Variants in PLEK2 observed in about 807,000 individuals in gnomAD.
PLEK2 encodes pleckstrin 2.
PLEK2 carries 29 observed loss-of-function variants against 43.8 expected under a neutral mutation model. The observed-to-expected ratio is 0.66, with a 90% confidence interval of 0.49 to 0.90. PLEK2 has a LOEUF of 0.90. PLEK2 is among the 40% of genes least tolerant of loss of function. The pLI is 0.00. For missense variants in PLEK2, 398 were observed against 448.1 expected, an observed-to-expected ratio of 0.89 and a Z score of 1.01; for synonymous variants, 162 against 173.2, an observed-to-expected ratio of 0.94 and a Z score of 0.51.
rs71129821 is a variant in PLEK2, at chr14:67,408,358, A to AT, written c.42+3659_42+3660insA. Among the ~76,000 whole-genome samples the AT allele has an allele frequency of 3.4e-3, 518 of 150,164 alleles. 4 individuals are homozygous for AT. Among genetic ancestry groups the AT allele is most frequent in the African/African-American group, 0.012 (484 of 40,712 alleles). ...ATAAAATAAAATAAAATAAAATAAA[A>AT]AAAGAAAAAACAAAGATGGGATGAT... On this transcript the variant is annotated intron_variant, in intron 1 of 8. Coordinates refer to ENST00000216446, the MANE Select transcript of PLEK2 (RefSeq NM_016445.3).
At position 67,392,665 on chromosome 14, in the gene PLEK2, A is replaced by T. The variant is rs998918323; in HGVS notation, c.666T>A (p.Thr222=). 1 of 1,608,744 alleles carries T rather than the reference A, an allele frequency of 6.2e-7. No individual in the cohort carries two copies. Among genetic ancestry groups the T allele is most frequent in the Non-Finnish European group, 8.5e-7 (1 of 1,176,612 alleles). ...QFLDDSTALY[T]FAESYKKKIS... is the part of the protein sequence containing the mutation. ...AAGAACCCACTCCCCAACTTACAAA[A>T]GTGTACAGGGCTGTGGAGTCATCCA... Residue 222 remains threonine (T), a synonymous_variant, in exon 5 of 9, where the codon ACT becomes ACA. Coordinates refer to ENST00000216446, the MANE Select transcript of PLEK2 (RefSeq NM_016445.3).
chr14:67,407,098 G>A (rs1431780129), intron 1 of PLEK2, among the ~76,000 whole-genome samples: 1 of 152,002 alleles, frequency 6.6e-6, no homozygotes, highest in Non-Finnish European at 1.5e-5. Context: ...GAGACCCCAG[G>A]AAAAAGCCTC....
intron 1 of PLEK2, among the ~76,000 whole-genome samples, chr14:67,402,570 G>A (rs575370276): frequency 1.3e-4 from 19 of 151,942 alleles, no homozygotes; most frequent in East Asian, 1.9e-4. Context: ...CCATCTCCCC[G>A]GCAGCCCCTC....
chr14:67,388,119 A>G, intron 8 of PLEK2, 105 bp downstream of exon 8: 1 of 705,706 alleles, frequency 1.4e-6, no homozygotes, highest in African/African-American at 1.8e-5. Context: ...TCATGGAGAA[A>G]GCCCTGCTCG....
intron 1 of PLEK2, among the ~76,000 whole-genome samples, chr14:67,408,945 G>A (rs1305055242): frequency 1.3e-5 from 2 of 151,778 alleles, no homozygotes; most frequent in African/African-American, 2.4e-5. Context: ...ATCCTTTATT[G>A]GCCAGGCGCC....
Position 67,390,648 on chromosome 14 carries a change from A to G in PLEK2, c.855+15T>C. 6.3e-7 allele frequency: 1 copy of G among 1,578,502 alleles called. No individual in the cohort carries two copies. Among genetic ancestry groups the G allele is most frequent in the Non-Finnish European group, 8.7e-7 (1 of 1,147,508 alleles). ...CACAACATGGGACCAACATGGAGCC[A>G]GCATGCGCACTCACTTTGGAAGGGT... On this transcript the variant is annotated intron_variant, in intron 7 of 8. Transcript: ENST00000216446.
intron 8 of PLEK2, 134 bp downstream of exon 8, chr14:67,388,090 A>T (rs372567784): frequency 4.9e-6 from 3 of 607,396 alleles, no homozygotes; most frequent in East Asian, 5.5e-5. Context: ...ATTCACTTCA[A>T]AACTCACACC....
intron 1 of PLEK2, among the ~76,000 whole-genome samples, chr14:67,410,924 T>C (rs559395286): frequency 1.6e-4 from 24 of 152,274 alleles, no homozygotes; most frequent in African/African-American, 5.3e-4. Context: ...GGTGGGCAGA[T>C]GACTTAAACC....
intron 3 of PLEK2, among the ~76,000 whole-genome samples, chr14:67,393,826 T>A (rs990492338): frequency 9.9e-5 from 15 of 152,120 alleles, no homozygotes; most frequent in Non-Finnish European, 1.8e-4. Flanking sequence ...AAGATGTTTA[T>A]CTAACCTCCC....
intron 2 of PLEK2, among the ~76,000 whole-genome samples, chr14:67,396,745 A>G (rs1277773634): frequency 6.6e-6 from 1 of 152,190 alleles, no homozygotes; most frequent in East Asian, 1.9e-4. Flanking sequence ...TTTCCTCTTC[A>G]GGGATAAAGG....
intron 1 of PLEK2, among the ~76,000 whole-genome samples, chr14:67,401,615 A>G (rs2086049505): frequency 6.6e-6 from 1 of 152,172 alleles, no homozygotes; most frequent in Admixed American, 6.6e-5. Flanking sequence ...GCCATCTGCA[A>G]GCCAAGGAGA....
chr14:67,390,601 G>A lies in PLEK2; in HGVS notation c.855+62C>T, dbSNP rs544680814. ...ATCCAGCCAGCTGCCCGCCATGCCA[G>A]GAGAGGAGTGTCTGGGGGCATCACA... is the stretch of plus-strand genomic sequence containing the variant. On this transcript the variant is annotated intron_variant, in intron 7 of 8. Transcript: ENST00000216446. 310 of 1,160,050 alleles carry A rather than the reference G, an allele frequency of 2.7e-4. 3 individuals carry two copies. The South Asian group carries it at 3.6e-3, about 13-fold the overall frequency. 71.9% of individuals were successfully genotyped at this position (1,160,050 alleles called of 1,614,324 possible).
chr14:67,410,587 T>C (rs1423384455), intron 1 of PLEK2, among the ~76,000 whole-genome samples: 1 of 152,232 alleles, frequency 6.6e-6, no homozygotes, highest in African/African-American at 2.4e-5. Context: ...CCTTGCTTAC[T>C]GTTTACAGCA....
At chr14:67,407,487 C>T (rs1484803757) in intron 1 of PLEK2, among the ~76,000 whole-genome samples, 1 of 151,818 alleles carries the variant, frequency 6.6e-6, no homozygotes, top group Non-Finnish European at 1.5e-5. Flanking sequence ...GTTGCCGAGG[C>T]TGGAGTGCAG....
rs200854004 is a variant in PLEK2, at chr14:67,397,667, G to T, written c.202C>A (p.Arg68=). The change falls in exon 2 of 9, where the codon CGA becomes AGA. Residue 68 remains arginine, a synonymous_variant. Coordinates refer to ENST00000216446, the MANE Select transcript of PLEK2 (RefSeq NM_016445.3). The stretch of plus-strand genomic sequence containing the variant: ...CAGCAGGGGCCATCACTTACCGGTC[G>T]GTTTTCATACTCCAGGCAGGGGCAG... The part of the protein sequence containing the change: ...ITCPCLEYEN[R]PLLIKLKTQT... The T allele has an allele frequency of 1.2e-6, 2 of 1,610,218 alleles. No homozygotes were observed. The highest frequency in any genetic ancestry group is 2.2e-5 in the South Asian group (2 of 89,890).
chr14:67,391,239 T>C (rs1017715674), intron 6 of PLEK2, among the ~76,000 whole-genome samples: 6 of 151,826 alleles, frequency 4.0e-5, no homozygotes, highest in African/African-American at 1.5e-4. Context: ...CGATCAATTA[T>C]ATGATAAAAT....
chr14:67,389,775 CT>C (rs74368440), intron 7 of PLEK2, among the ~76,000 whole-genome samples: 12,759 of 137,034 alleles, frequency 0.093, 1,167 homozygotes, highest in African/African-American at 0.25. Context: ...TGTTTTTTTT[CT>C]TTTTTTTTTT....
At chr14:67,396,133 TTTTTG>T (rs1316366522) in intron 2 of PLEK2, among the ~76,000 whole-genome samples, 7 of 151,806 alleles carry the variant, frequency 4.6e-5, no homozygotes, top group African/African-American at 1.2e-4. Context: ...TCGCTTTGTT[TTTTTG>T]TTTTGTTTTG....
At chr14:67,396,133 T>TTTTTG (rs1316366522) in intron 2 of PLEK2, among the ~76,000 whole-genome samples, 1 of 151,806 alleles carries the variant, frequency 6.6e-6, no homozygotes, top group Admixed American at 6.6e-5. Context: ...TCGCTTTGTT[T>TTTTTG]TTTTGTTTTG....
Sources: allele counts gnomAD v4.1 joint callset (sites outside exome capture counted in the v4.1 genomes callset), GRCh38; gene constraint gnomAD v4.1.1; transcripts MANE v1.5; gene names NCBI Gene and HGNC (gene_info 2026-07-23, HGNC 2026-07-21).